Variants in NLRP3 observed in about 807,000 individuals in gnomAD.
NLRP3 encodes the protein NLR family pyrin domain containing 3, also known as NACHT, LRR and PYD domains-containing protein 3.
A neutral mutation model predicts 91.3 loss-of-function variants in NLRP3; 48 were observed. That is an observed-to-expected ratio of 0.53 (90% confidence interval 0.42 to 0.67). The LOEUF (loss-of-function observed/expected upper bound fraction) is 0.67. Among genes scored for constraint, NLRP3 ranks in the 30% least tolerant of loss-of-function variants. NLRP3 has a pLI of 0.00. For synonymous variants in NLRP3, 561 were observed against 507.9 expected, an observed-to-expected ratio of 1.10 and a Z score of -1.41; for missense variants, 982 against 1,276.9, an observed-to-expected ratio of 0.77 and a Z score of 3.52.
chr1:247,416,398 C>T (rs918582200), intron 1 of NLRP3, among the ~76,000 whole-genome samples: 6 of 152,114 alleles, frequency 3.9e-5, no homozygotes, highest in South Asian at 2.1e-4. Context: ...GTGTATGTGG[C>T]GGGGGGAAGC....
intron 7 of NLRP3, among the ~76,000 whole-genome samples, chr1:247,442,128 C>G (rs1664281591): frequency 6.6e-6 from 1 of 152,208 alleles, no homozygotes; most frequent in African/African-American, 2.4e-5. Flanking sequence ...GTCTGTCTCT[C>G]TTGGGCTTCA....
intron 9 of NLRP3, among the ~76,000 whole-genome samples, chr1:247,447,851 G>A (rs1418910868): frequency 6.6e-6 from 1 of 152,040 alleles, no homozygotes; most frequent in Non-Finnish European, 1.5e-5. Flanking sequence ...GGAGTGGGTG[G>A]GCAATAGAAG....
chr1:247,429,811 G>A (rs1434166200), intron 5 of NLRP3, 56 bp downstream of exon 5: 31 of 1,583,348 alleles, frequency 2.0e-5, no homozygotes, highest in Non-Finnish European at 2.6e-5. Context: ...GAGAGAGAGA[G>A]AGAAACAGAC....
Position 247,444,671 on chromosome 1 carries a change from C to T in NLRP3, c.2855C>T (p.Thr952Met), listed in dbSNP as rs139814109. ...QVLELDNCNL[T>M]SHCCWDLSTL... ...TGCAGATTAGACAACTGCAACCTCA[C>T]GTCACACTGCTGCTGGGATCTTTCC... The change falls in exon 9 of 10, where the codon ACG becomes ATG. Residue 952 changes from threonine to methionine, a missense_variant. This residue lies in a region of NLRP3 where 373 missense variants were observed against 431.5 expected (regional missense o/e 0.86). Coordinates refer to ENST00000336119, the MANE Select transcript of NLRP3 (RefSeq NM_001243133.2). 9.1e-4 allele frequency: 1,461 copies of T among 1,614,078 alleles called. 3 individuals are homozygous for T. Among genetic ancestry groups the T allele is most frequent in the South Asian group, 4.0e-3 (361 of 91,078 alleles).
At chr1:247,429,453 G>T (rs1663148283) in intron 4 of NLRP3, 132 bp from the exon 5 acceptor site, 3 of 937,840 alleles carry the variant, frequency 3.2e-6, no homozygotes, top group East Asian at 4.8e-5. Flanking sequence ...AACAATTTTT[G>T]GTTTCGTGAC....
intron 5 of NLRP3, 71 bp from the exon 6 acceptor site, chr1:247,434,032 T>A: frequency 1.3e-6 from 1 of 742,648 alleles, no homozygotes; most frequent in Non-Finnish European, 2.0e-6. Flanking sequence ...TGTGTCCTGA[T>A]GCTTCCTCTG....
intron 2 of NLRP3, among the ~76,000 whole-genome samples, chr1:247,420,074 TTTTA>T (rs1358388572): frequency 1.3e-5 from 2 of 152,184 alleles, no homozygotes; most frequent in African/African-American, 4.8e-5. Context: ...AACACGTTAT[TTTTA>T]TTTATTTTTT....
intron 5 of NLRP3, among the ~76,000 whole-genome samples, chr1:247,432,770 A>G (rs1663430617): frequency 6.6e-6 from 1 of 152,200 alleles, no homozygotes; most frequent in Non-Finnish European, 1.5e-5. Context: ...CCTGGAAAGA[A>G]GCTAGAATGT....
At chr1:247,426,409 T>C (rs1313971230) in intron 4 of NLRP3, among the ~76,000 whole-genome samples, 1 of 152,154 alleles carries the variant, frequency 6.6e-6, no homozygotes, top group Non-Finnish European at 1.5e-5. Flanking sequence ...TATCGTTCAG[T>C]GCCTCCTGCA....
At chr1:247,442,762 A>G (rs936225632) in intron 7 of NLRP3, among the ~76,000 whole-genome samples, 1 of 152,182 alleles carries the variant, frequency 6.6e-6, no homozygotes, top group Admixed American at 6.5e-5. Flanking sequence ...CCAGGTTGAT[A>G]TAATAATCAA....
In NLRP3 at chr1:247,448,638, G is replaced by A; in HGVS notation, c.*134G>A. ...CCTTCCGGTGGAGTGTCGGAGAAGA[G>A]AGCTTGCCGACGATGCCTTCCTGTG... On this transcript the variant is annotated 3_prime_UTR_variant, in exon 10 of 10. Coordinates refer to ENST00000336119, the MANE Select transcript of NLRP3 (RefSeq NM_001243133.2). 1.4e-6 allele frequency: 1 copy of A among 718,322 alleles called. No homozygotes were observed. The highest frequency in any genetic ancestry group is 1.4e-5 in the South Asian group (1 of 69,368). 44.5% of individuals were successfully genotyped at this position (718,322 alleles called of 1,614,324 possible).
rs908475120 is a variant in NLRP3, at chr1:247,444,921, C to T, written c.3005+100C>T. The T allele has an allele frequency of 2.8e-5, 36 of 1,297,230 alleles. No individual in the cohort carries two copies. In the Admixed American group the frequency reaches 4.9e-4, roughly 17 times the overall value. 80.4% of individuals were successfully genotyped at this position (1,297,230 alleles called of 1,614,324 possible). A position where few individuals can be genotyped will look rare whatever the true frequency, so the allele number is the denominator to read the frequency against. ...GGATGGCTCTCGCTTCATTTGCAGC[C>T]ACTCAAGATTAGGTTGGGCCTGGGT... On this transcript the variant is annotated intron_variant, in intron 9 of 9. Coordinates refer to ENST00000336119, the MANE Select transcript of NLRP3 (RefSeq NM_001243133.2).
intron 7 of NLRP3, among the ~76,000 whole-genome samples, chr1:247,442,071 C>T (rs547775423): frequency 6.6e-5 from 10 of 152,300 alleles, no homozygotes; most frequent in Middle Eastern, 3.4e-3. Flanking sequence ...GAATTCTTAC[C>T]GGGGATGAGA....
intron 7 of NLRP3, among the ~76,000 whole-genome samples, chr1:247,436,968 G>A (rs547186497): frequency 6.6e-6 from 1 of 152,330 alleles, no homozygotes; most frequent in African/African-American, 2.4e-5. Flanking sequence ...CCAATTTAAA[G>A]AGGAGAAAAT....
chr1:247,423,836 C>T lies in NLRP3; in HGVS notation c.398-11C>T, dbSNP rs779125997. 2 of 1,612,908 alleles carry T rather than the reference C, an allele frequency of 1.2e-6. No individual in the cohort carries two copies. The highest frequency in any genetic ancestry group is 1.7e-6 in the Non-Finnish European group (2 of 1,179,602). The stretch of plus-strand genomic sequence containing the variant: ...GTATACTTTCCCCCTAACTTCCTGT[C>T]TTTGCCGTAGATTACCGTAAGAAGT... On this transcript the variant is annotated splice_polypyrimidine_tract_variant and intron_variant, in intron 3 of 9. Transcript: ENST00000336119.
intron 1 of NLRP3, 44 bp downstream of exon 1, chr1:247,416,237 G>A (rs1662068017): frequency 6.6e-6 from 1 of 152,504 alleles, no homozygotes; most frequent in African/African-American, 2.4e-5. Flanking sequence ...AGGACCGGGA[G>A]AGCAGTGGGG....
chr1:247,445,293 C>T (rs1350768694), intron 9 of NLRP3, among the ~76,000 whole-genome samples: 24 of 152,096 alleles, frequency 1.6e-4, no homozygotes, highest in East Asian at 1.9e-4. Flanking sequence ...CTCCGCCTCC[C>T]GGGTTCACGC....
chr1:247,432,321 G>T (rs1217269709), intron 5 of NLRP3, among the ~76,000 whole-genome samples: 1 of 118,474 alleles, frequency 8.4e-6, no homozygotes, highest in Non-Finnish European at 1.6e-5. Context: ...CCTTTGTTTA[G>T]CTCCCACTTG....
chr1:247,436,633 A>G (rs1227236681), intron 7 of NLRP3, among the ~76,000 whole-genome samples: 1 of 152,162 alleles, frequency 6.6e-6, no homozygotes. Flanking sequence ...CCAGGTACAC[A>G]GGCTGGTTTG....
Sources: allele counts gnomAD v4.1 joint callset (sites outside exome capture counted in the v4.1 genomes callset), GRCh38; gene constraint gnomAD v4.1.1; regional missense constraint gnomAD v4.1.1; transcripts MANE v1.5; gene names NCBI Gene and HGNC (gene_info 2026-07-23, HGNC 2026-07-21).